The following TECRL variants were observed in gnomAD, a reference collection of about 807,000 sequenced individuals.
The protein encoded by TECRL is trans-2,3-enoyl-CoA reductase like.
A neutral mutation model predicts 52.8 loss-of-function variants in TECRL; 63 were observed. The ratio of observed to expected loss-of-function variants is 1.19; its 90% CI spans 0.97 to 1.47. TECRL has a LOEUF of 1.47. Ranked by LOEUF, TECRL falls within the 40% of genes most tolerant of loss-of-function variation. The pLI is 0.00. For missense variants in TECRL, 482 were observed against 429.6 expected (o/e 1.12, Z -1.08); for synonymous variants, 164 against 141.9 (o/e 1.16, Z -1.10).
chr4:64,392,820 A>G (rs1275526932), intron 1 of TECRL, among the ~76,000 whole-genome samples: 1 of 151,952 alleles, frequency 6.6e-6, no homozygotes, highest in Admixed American at 6.6e-5. Flanking sequence ...ACTATACACA[A>G]CACTTTACAA....
chr4:64,403,849 G>T (rs1308142171), intron 1 of TECRL, among the ~76,000 whole-genome samples: 1 of 139,406 alleles, frequency 7.2e-6, no homozygotes, highest in African/African-American at 2.5e-5. Context: ...TGGAGCAAAA[G>T]AGAAGGAAAA....
In TECRL at chr4:64,328,513, A is replaced by G; in HGVS notation, c.330T>C (p.Cys110=). 2 of 1,611,202 alleles carry G rather than the reference A, an allele frequency of 1.2e-6. No homozygotes were observed. The highest frequency in any genetic ancestry group is 1.7e-6 in the Non-Finnish European group (2 of 1,178,084). The part of the protein sequence containing the change: ...YPSRVGLQLE[C]GGPFLKDYIT... ...ACATCAGTGAAAAATGCTTCTTACC[A>G]CATTCTAGCTGCAGACCAACTCGAG... Residue 110 remains cysteine (C), a splice_region_variant and synonymous_variant, in exon 3 of 12, where the codon TGT becomes TGC. Transcript: ENST00000381210.
chr4:64,387,063 A>C (rs1411337937), intron 1 of TECRL, among the ~76,000 whole-genome samples: 2 of 152,146 alleles, frequency 1.3e-5, no homozygotes, highest in African/African-American at 4.8e-5. Context: ...CACTGCACTA[A>C]AAATCCTCTG....
intron 2 of TECRL, among the ~76,000 whole-genome samples, chr4:64,351,413 AG>A (rs1720379617): frequency 6.6e-6 from 1 of 151,978 alleles, no homozygotes; most frequent in South Asian, 2.1e-4. Flanking sequence ...GTAGCTGGGA[AG>A]GAGACACATA....
At position 64,339,445 on chromosome 4, in the gene TECRL, AAT is replaced by A. The variant is rs530691690; in HGVS notation, c.287-10891_287-10890del. ...ACCCTAGAACTTAAAGTATAATAAA[AAT>A]ATATATATATATATGGAAAAATATT... On this transcript the variant is annotated intron_variant, in intron 2 of 11. Coordinates refer to ENST00000381210, the MANE Select transcript of TECRL (RefSeq NM_001010874.5). Among the ~76,000 whole-genome samples, 352 of 149,786 alleles carry A rather than the reference AAT, an allele frequency of 2.4e-3. 2 individuals are homozygous for A. The highest frequency in any genetic ancestry group is 2.9e-3 in the South Asian group (14 of 4,746).
chr4:64,406,411 A>G (rs986273350), intron 1 of TECRL, among the ~76,000 whole-genome samples: 6 of 151,958 alleles, frequency 3.9e-5, no homozygotes, highest in African/African-American at 1.4e-4. Context: ...AAATCATGTC[A>G]AAGAATAATT....
In TECRL at chr4:64,378,768, GT is replaced by G. The variant is rs1416114975; in HGVS notation, c.235-3546del. Among the ~76,000 whole-genome samples, 4 of 151,946 alleles carry G rather than the reference GT, an allele frequency of 2.6e-5. No homozygotes were observed. The South Asian group carries it at 8.3e-4, about 32-fold the overall frequency. On this transcript the variant is annotated intron_variant, in intron 1 of 11. Coordinates refer to ENST00000381210, the MANE Select transcript of TECRL (RefSeq NM_001010874.5). ...CTCAAGAAATATGAGTTTTAACAAG[GT>G]TTAAATGTTTAAATTTTAACTGAAT...
chr4:64,379,842 T>C (rs1722657287), intron 1 of TECRL, among the ~76,000 whole-genome samples: 1 of 152,120 alleles, frequency 6.6e-6, no homozygotes. Flanking sequence ...TTGGTTATTG[T>C]GAATAGTGTT....
intron 1 of TECRL, among the ~76,000 whole-genome samples, chr4:64,380,893 C>T (rs1722743651): frequency 6.6e-6 from 1 of 151,996 alleles, no homozygotes; most frequent in Non-Finnish European, 1.5e-5. Context: ...TTTGTGGTTC[C>T]ATATAGATTT....
chr4:64,313,131 G>A (rs1348478754), intron 5 of TECRL, among the ~76,000 whole-genome samples: 4 of 152,144 alleles, frequency 2.6e-5, no homozygotes, highest in African/African-American at 9.7e-5. Context: ...CAAGAAAGGA[G>A]GTCAGTGTGG....
At chr4:64,359,441 T>C (rs1441413308) in intron 2 of TECRL, among the ~76,000 whole-genome samples, 5 of 152,018 alleles carry the variant, frequency 3.3e-5, no homozygotes, top group African/African-American at 1.2e-4. Flanking sequence ...TATTTTCAAA[T>C]AGTTATTGCA....
chr4:64,281,070 C>T lies in TECRL; in HGVS notation c.935G>A (p.Ser312Asn). The T allele has an allele frequency of 6.2e-7, 1 of 1,602,092 alleles. No individual in the cohort carries two copies. The highest frequency in any genetic ancestry group is 2.2e-5 in the East Asian group (1 of 44,600). The change falls in exon 11 of 12, where the codon AGT becomes AAT. Residue 312 changes from serine (S) to asparagine (N), a missense_variant. Ser to Asn is a conservative substitution (Grantham distance 46). Coordinates refer to ENST00000381210, the MANE Select transcript of TECRL (RefSeq NM_001010874.5). ...CAGTGTTTGTGTCATGACTGTGAAA[C>T]TAATCCATGATCCAATCTGTTATAT... ...NYTYEIGSWI[S>N]FTVMTQTLPV...
chr4:64,299,931 C>G, intron 8 of TECRL, 43 bp downstream of exon 8: 1 of 1,320,266 alleles, frequency 7.6e-7, no homozygotes, highest in Non-Finnish European at 1.0e-6. Context: ...TTAATAATAC[C>G]AAAATTAGAG....
At chr4:64,344,942 A>G (rs1218722038) in intron 2 of TECRL, among the ~76,000 whole-genome samples, 2 of 152,216 alleles carry the variant, frequency 1.3e-5, no homozygotes, top group Non-Finnish European at 2.9e-5. Context: ...TGAGATTAAC[A>G]TTGTCCATAA....
intron 11 of TECRL, 127 bp downstream of exon 11, chr4:64,280,914 C>T (rs1344496902): frequency 7.5e-6 from 4 of 532,598 alleles, no homozygotes; most frequent in Non-Finnish European, 1.3e-5. Flanking sequence ...AAATCAAACT[C>T]AGTATGAAAC....
rs576375121 is a variant in TECRL at position 64,386,146 on chromosome 4, A to T, written c.235-10923T>A. 4.3e-4 allele frequency among the ~76,000 whole-genome samples: 66 copies of T among 152,300 alleles called. 1 individual carries two copies. Among genetic ancestry groups the T allele is most frequent in the African/African-American group, 1.6e-3 (65 of 41,586 alleles). On this transcript the variant is annotated intron_variant, in intron 1 of 11. Coordinates refer to ENST00000381210, the MANE Select transcript of TECRL (RefSeq NM_001010874.5). ...CTTGATTACTAATAGCTTACTGTTG[A>T]CTGGAAGCCTTACCAATAACATAGA...
intron 1 of TECRL, among the ~76,000 whole-genome samples, chr4:64,399,481 G>A (rs1724196620): frequency 6.6e-6 from 1 of 152,168 alleles, no homozygotes; most frequent in South Asian, 2.1e-4. Context: ...GGCAAGTGCT[G>A]ATAGCCAAGA....
chr4:64,345,505 A>T (rs867737058), intron 2 of TECRL, among the ~76,000 whole-genome samples: 3 of 136,500 alleles, frequency 2.2e-5, no homozygotes, highest in Admixed American at 8.1e-5. Context: ...AACAATGAGA[A>T]CACATGGACA....
At chr4:64,367,066 A>C in intron 2 of TECRL, among the ~76,000 whole-genome samples, 1 of 152,128 alleles carries the variant, frequency 6.6e-6, no homozygotes, top group East Asian at 1.9e-4. Context: ...AAAAAAGAAT[A>C]AAATTATGTC....
Sources: gnomAD v4.1 joint callset for allele counts (sites outside exome capture counted in the v4.1 genomes callset) on GRCh38, gnomAD v4.1.1 for gene constraint, MANE v1.5 for transcripts, NCBI Gene and HGNC (gene_info 2026-07-23, HGNC 2026-07-21) for gene names.